The following INPP5F variants were observed in gnomAD, a reference collection of about 807,000 sequenced individuals.
INPP5F encodes the protein inositol polyphosphate-5-phosphatase F.
Under a neutral mutation model 137.2 loss-of-function variants are expected in INPP5F, and 97 were observed. The observed-to-expected ratio is 0.71, with a 90% CI of 0.60 to 0.84. The LOEUF (loss-of-function observed/expected upper bound fraction) is 0.84. INPP5F is among the 40% of genes least tolerant of loss of function. The pLI, the probability that INPP5F is intolerant of heterozygous loss-of-function variation, is 0.00. For missense variants in INPP5F, 1,271 were observed against 1,371.9 expected (o/e 0.93, Z 1.16); for synonymous variants, 504 against 476.9 (o/e 1.06, Z -0.74).
chr10:119,784,927 A>G (rs1849829533), intron 3 of INPP5F, among the ~76,000 whole-genome samples: 1 of 152,290 alleles, frequency 6.6e-6, no homozygotes, highest in Middle Eastern at 3.4e-3. Context: ...ATATTTGTCT[A>G]TTCTGGACAT....
At chr10:119,794,747 T>A (rs1589722609) in intron 6 of INPP5F, among the ~76,000 whole-genome samples, 1 of 120,300 alleles carries the variant, frequency 8.3e-6, no homozygotes, top group Non-Finnish European at 1.7e-5. Flanking sequence ...GTGGGGGGGC[T>A]GACCCCCCCA....
At position 119,796,269 on chromosome 10, in the gene INPP5F, G is replaced by A. The variant is rs562394685; in HGVS notation, c.670-446G>A. Among the ~76,000 whole-genome samples, 8 of 152,246 alleles carry A rather than the reference G, an allele frequency of 5.3e-5. No individual in the cohort carries two copies. In the South Asian group the frequency reaches 1.4e-3, roughly 28 times the overall value. Reference sequence around the variant, plus strand: ...TTTTATAATAAAGTGATCAGAGTTGGTTGTATTTTATTAAAGCCTTAATAC... The same window carrying A: ...TTTTATAATAAAGTGATCAGAGTTGATTGTATTTTATTAAAGCCTTAATAC... On this transcript the variant is annotated intron_variant, in intron 6 of 19. Transcript: ENST00000650623.
intron 3 of INPP5F, among the ~76,000 whole-genome samples, chr10:119,789,354 A>G (rs1850048565): frequency 6.6e-6 from 1 of 152,192 alleles, no homozygotes; most frequent in Non-Finnish European, 1.5e-5. Context: ...TCATATGACT[A>G]ATCACTGATA....
chr10:119,796,661 A>G, intron 6 of INPP5F, 54 bp from the exon 7 acceptor site: 1 of 1,351,792 alleles, frequency 7.4e-7, no homozygotes. Flanking sequence ...TGGGTTTAAG[A>G]AAGTAGCAGT....
In INPP5F at chr10:119,771,870, ATATATATATATATTTTTTTTTTTTT is replaced by A. The variant is rs1198657699; in HGVS notation, c.179-9763_179-9739del. On this transcript the variant is annotated intron_variant, in intron 2 of 19. Transcript: ENST00000650623. ...GATATATATATATATATATATATAT[ATATATATATATATTTTTTTTTTTTT>A]TTTTTTTTTTTTTTTTTTGAGATGG... is the stretch of plus-strand genomic sequence containing the variant. 6.1e-3 allele frequency among the ~76,000 whole-genome samples: 101 copies of A among 16,464 alleles called. 3 individuals are homozygous for A. Among genetic ancestry groups the A allele is most frequent in the Admixed American group, 0.016 (20 of 1,232 alleles). The allele number at this position is 16,464 out of a possible 152,430, so 10.8% of individuals were successfully genotyped here. A position where few individuals can be genotyped will look rare whatever the true frequency, so the allele number is the denominator to read the frequency against.
In INPP5F at chr10:119,804,315, G is replaced by A; in HGVS notation, c.1241+18G>A. On this transcript the variant is annotated intron_variant, in intron 10 of 19. Coordinates refer to ENST00000650623, the MANE Select transcript of INPP5F (RefSeq NM_014937.4). Reference sequence around the variant, plus strand: ...GAGCACTGGTAAGATGGCTTTCGGAGAATAGTGTTGATCAATTGCAGTGTT... The same window carrying A: ...GAGCACTGGTAAGATGGCTTTCGGAAAATAGTGTTGATCAATTGCAGTGTT... 1 of 1,595,310 alleles carries A rather than the reference G, an allele frequency of 6.3e-7. No homozygotes were observed. The highest frequency in any genetic ancestry group is 1.1e-5 in the South Asian group (1 of 87,620).
intron 2 of INPP5F, among the ~76,000 whole-genome samples, chr10:119,763,190 C>T (rs1262123501): frequency 2.0e-5 from 3 of 152,296 alleles, no homozygotes; most frequent in East Asian, 1.9e-4. Flanking sequence ...TCTTAAGGCT[C>T]GAGAATAATC....
chr10:119,794,279 A>G (rs1162994228), intron 6 of INPP5F, among the ~76,000 whole-genome samples: 1 of 152,102 alleles, frequency 6.6e-6, no homozygotes, highest in African/African-American at 2.4e-5. Flanking sequence ...CACCGCCCTT[A>G]ATCCATTCAA....
At chr10:119,805,493 AC>A in intron 11 of INPP5F, 32 bp downstream of exon 11, 5 of 1,408,670 alleles carry the variant, frequency 3.5e-6, no homozygotes, top group Non-Finnish European at 5.0e-6. Context: ...CTTTTTACAG[AC>A]TCTGGGATCT....
chr10:119,762,071 G>A (rs981536977), intron 2 of INPP5F, among the ~76,000 whole-genome samples: 11 of 152,080 alleles, frequency 7.2e-5, no homozygotes, highest in African/African-American at 2.4e-4. Flanking sequence ...TGGGTTTCTC[G>A]TTCCACGAAT....
chr10:119,826,122 T>G (rs1851748555), intron 19 of INPP5F: 1 of 396,892 alleles, frequency 2.5e-6, no homozygotes, highest in Non-Finnish European at 4.4e-6. Context: ...TTAGTTAAGG[T>G]GCTGCAGATT....
At chr10:119,749,885 T>A (rs1848643079) in intron 1 of INPP5F, among the ~76,000 whole-genome samples, 2 of 152,170 alleles carry the variant, frequency 1.3e-5, no homozygotes, top group African/African-American at 4.8e-5. Context: ...TTCAAGTGAT[T>A]CTCCTGCCTC....
chr10:119,743,267 C>A (rs115444328), intron 1 of INPP5F, among the ~76,000 whole-genome samples: 1 of 152,072 alleles, frequency 6.6e-6, no homozygotes, highest in Non-Finnish European at 1.5e-5. Flanking sequence ...TTGCCTCCCC[C>A]CTTTCTACAT....
In INPP5F at chr10:119,789,118, G is replaced by A. The variant is rs1236192230; in HGVS notation, c.316-2399G>A. Among the ~76,000 whole-genome samples, 4 of 151,946 alleles carry A rather than the reference G, an allele frequency of 2.6e-5. No homozygotes were observed. The East Asian group carries it at 7.8e-4, about 29-fold the overall frequency. On this transcript the variant is annotated intron_variant, in intron 3 of 19. Transcript: ENST00000650623. ...TGCATGCCTGTAATCCCAGCTACTC[G>A]GGAGGCTGAGGCAGGAGAATTGTTT...
intron 15 of INPP5F, among the ~76,000 whole-genome samples, chr10:119,816,822 G>T (rs1166496372): frequency 6.6e-6 from 1 of 152,176 alleles, no homozygotes; most frequent in Non-Finnish European, 1.5e-5. Context: ...ATATGTGTGT[G>T]TGTTTAAACA....
Position 119,823,886 on chromosome 10 carries a change from G to A in INPP5F, c.2233G>A (p.Glu745Lys). Residue 745 changes from glutamate to lysine, a missense_variant, in exon 19 of 20, where the codon GAG (glutamate) becomes AAG (lysine). Transcript: ENST00000650623. Reference sequence around the variant, plus strand: ...CATGGGATCGGATTTACCCATAATTGAGAAGAAACTTGAGAGGTGAGTATA... The same window carrying A: ...CATGGGATCGGATTTACCCATAATTAAGAAGAAACTTGAGAGGTGAGTATA... ...QAMGSDLPIIEKKLERKSSKP... is the reference protein window; with the variant it reads ...QAMGSDLPIIKKKLERKSSKP... The A allele has an allele frequency of 4.3e-6, 7 of 1,613,354 alleles. No homozygotes were observed. Among genetic ancestry groups the A allele is most frequent in the Non-Finnish European group, 5.1e-6 (6 of 1,179,400 alleles).
chr10:119,822,595 G>T, intron 17 of INPP5F, 91 bp downstream of exon 17: 1 of 606,406 alleles, frequency 1.6e-6, no homozygotes, highest in Admixed American at 3.3e-5. Flanking sequence ...CCTGGTTTAA[G>T]TTTCACCTAC....
At position 119,796,890 on chromosome 10, in the gene INPP5F, C is replaced by A. The variant is rs1297193532; in HGVS notation, c.845C>A (p.Ser282Ter). The A allele has an allele frequency of 6.2e-7, 1 of 1,613,968 alleles. No homozygotes were observed. The highest frequency in any genetic ancestry group is 2.2e-5 in the East Asian group (1 of 44,892). Residue 282 changes from serine (S) to a stop codon, truncating the protein, a stop_gained, in exon 7 of 20, where the codon TCA becomes TAA. Coordinates refer to ENST00000650623, the MANE Select transcript of INPP5F (RefSeq NM_014937.4). LOFTEE classifies it high-confidence loss of function. ...CCACGATTTCTAGTGGCTCTCATTT[C>A]ACGCCGAAGTAGGCACAGAGCAGGT... ...IHPRFLVALISRRSRHRAGMR... is the reference protein window; with the variant it reads ...IHPRFLVALI
At chr10:119,730,284 A>G (rs1472561726) in intron 1 of INPP5F, among the ~76,000 whole-genome samples, 1 of 151,698 alleles carries the variant, frequency 6.6e-6, no homozygotes, top group Non-Finnish European at 1.5e-5. Context: ...AAGTTTTTGT[A>G]TTTTTACTAG....
Sources: allele counts gnomAD v4.1 joint callset (sites outside exome capture counted in the v4.1 genomes callset), GRCh38; gene constraint gnomAD v4.1.1; transcripts MANE v1.5; gene names NCBI Gene and HGNC (gene_info 2026-07-23, HGNC 2026-07-21).